The following MOB1B variants were observed in gnomAD, a reference collection of about 807,000 sequenced individuals.
MOB1B encodes the protein MOB kinase activator 1B.
Under a neutral mutation model 24.4 loss-of-function variants are expected in MOB1B, and 19 were observed. That is an observed-to-expected ratio of 0.78 (90% confidence interval 0.54 to 1.14). The LOEUF is 1.14. MOB1B is among the 50% of genes most tolerant of loss of function. The pLI is 0.00. For missense variants in MOB1B, 243 were observed against 259.6 expected (o/e 0.94, Z 0.44); for synonymous variants, 76 against 82.1 (o/e 0.93, Z 0.40).
At chr4:70,938,489 A>G (rs1019133235) in intron 1 of MOB1B, among the ~76,000 whole-genome samples, 6 of 152,020 alleles carry the variant, frequency 3.9e-5, no homozygotes, top group African/African-American at 1.2e-4. Context: ...GCCTGCAACT[A>G]TACCTGTGTC....
chr4:70,976,755 T>C (rs1211747654), intron 4 of MOB1B: 5 of 163,592 alleles, frequency 3.1e-5, no homozygotes, highest in Non-Finnish European at 5.5e-5. Flanking sequence ...CTGAATTACA[T>C]ATATATATAT....
chr4:70,925,717 G>A (rs542923834), intron 1 of MOB1B, among the ~76,000 whole-genome samples: 1 of 152,270 alleles, frequency 6.6e-6, no homozygotes, highest in East Asian at 1.9e-4. Context: ...CAAAGTGGAT[G>A]CCTGTATATT....
intron 1 of MOB1B, among the ~76,000 whole-genome samples, chr4:70,912,684 T>C (rs1736040075): frequency 6.6e-6 from 1 of 152,232 alleles, no homozygotes; most frequent in Non-Finnish European, 1.5e-5. Context: ...GTTTCATCTG[T>C]TGCTTTAACA....
chr4:70,947,774 A>G (rs1480742271), intron 1 of MOB1B, among the ~76,000 whole-genome samples: 4 of 151,998 alleles, frequency 2.6e-5, no homozygotes, highest in Non-Finnish European at 2.9e-5. Flanking sequence ...GTGCCACCAC[A>G]CCCAGATAAT....
intron 1 of MOB1B, among the ~76,000 whole-genome samples, chr4:70,936,103 G>A (rs867552956): frequency 6.6e-6 from 1 of 151,738 alleles, no homozygotes; most frequent in Non-Finnish European, 1.5e-5. Context: ...CGCCCGCCTC[G>A]GCCTCCCAAA....
intron 5 of MOB1B, among the ~76,000 whole-genome samples, chr4:70,980,796 C>T (rs943721372): frequency 1.3e-5 from 2 of 152,132 alleles, no homozygotes; most frequent in East Asian, 1.9e-4. Context: ...GGGCGGGTCC[C>T]GTCTCTGATA....
intron 4 of MOB1B, among the ~76,000 whole-genome samples, 171 bp from the exon 5 acceptor site, chr4:70,978,957 A>C (rs1301897578): frequency 6.6e-6 from 1 of 152,198 alleles, no homozygotes; most frequent in African/African-American, 2.4e-5. Flanking sequence ...GTTTATTTTC[A>C]TTCATGACAT....
At chr4:70,916,917 A>G (rs771902053) in intron 1 of MOB1B, among the ~76,000 whole-genome samples, 42 of 152,332 alleles carry the variant, frequency 2.8e-4, no homozygotes, top group Non-Finnish European at 4.4e-4. Context: ...TCTATAGGCC[A>G]CAAGTAGCAG....
intron 1 of MOB1B, among the ~76,000 whole-genome samples, chr4:70,922,950 A>G (rs990006277): frequency 2.0e-5 from 3 of 152,174 alleles, no homozygotes; most frequent in Non-Finnish European, 2.9e-5. Context: ...GCCCCAATAG[A>G]TAATCCAATG....
At chr4:70,906,979 A>G (rs1055350184) in intron 1 of MOB1B, among the ~76,000 whole-genome samples, 5 of 152,164 alleles carry the variant, frequency 3.3e-5, no homozygotes, top group Non-Finnish European at 5.9e-5. Flanking sequence ...GGCTTTAGGA[A>G]AGTTTCATGA....
intron 1 of MOB1B, among the ~76,000 whole-genome samples, chr4:70,934,240 T>A (rs530159791): frequency 6.7e-6 from 1 of 149,028 alleles, no homozygotes; most frequent in Non-Finnish European, 1.5e-5. Context: ...ATGTACCACA[T>A]GTGCCTGGCT....
At chr4:70,967,953 C>CT (rs1738603138) in intron 2 of MOB1B, among the ~76,000 whole-genome samples, 1 of 152,118 alleles carries the variant, frequency 6.6e-6, no homozygotes, top group African/African-American at 2.4e-5. Context: ...CCTCAGCCTC[C>CT]TAGAGTGTTC....
At chr4:70,974,754 G>A (rs761013902) in intron 3 of MOB1B, among the ~76,000 whole-genome samples, 4 of 152,134 alleles carry the variant, frequency 2.6e-5, no homozygotes, top group Non-Finnish European at 5.9e-5. Context: ...AAAGCCCCAA[G>A]TTAAAAAGAA....
rs1421870000 is a variant in MOB1B, at chr4:70,985,375, A to G, written c.*3318A>G. ...TTTGGGAGCACTGTTTATTCCAGCT[A>G]TACTGCAAAAGTATAATGTTTTTGG... On this transcript the variant is annotated 3_prime_UTR_variant, in exon 6 of 6. Coordinates refer to ENST00000309395, the MANE Select transcript of MOB1B (RefSeq NM_173468.4). The G allele has an allele frequency of 2.0e-5, 3 of 152,182 alleles. No homozygotes were observed. The highest frequency in any genetic ancestry group is 4.4e-5 in the Non-Finnish European group (3 of 68,034). The allele number at this position is 152,182 out of a possible 1,614,324, so 9.4% of individuals were successfully genotyped here.
intron 1 of MOB1B, among the ~76,000 whole-genome samples, chr4:70,913,581 G>A (rs1390973772): frequency 6.6e-6 from 1 of 152,028 alleles, no homozygotes; most frequent in African/African-American, 2.4e-5. Flanking sequence ...GTGCGCCACC[G>A]TGCCCAGGTG....
intron 1 of MOB1B, among the ~76,000 whole-genome samples, chr4:70,945,061 A>G (rs920424217): frequency 1.3e-5 from 2 of 152,184 alleles, no homozygotes; most frequent in Admixed American, 6.5e-5. Flanking sequence ...CTTAGTGTTA[A>G]TGATACCAGA....
chr4:70,948,429 C>T (rs1737673899), intron 1 of MOB1B, among the ~76,000 whole-genome samples: 1 of 152,166 alleles, frequency 6.6e-6, no homozygotes, highest in Admixed American at 6.5e-5. Context: ...TTTAATCTTA[C>T]CAGAATTCTT....
chr4:70,908,792 G>A (rs1365151551), intron 1 of MOB1B, among the ~76,000 whole-genome samples: 3 of 137,788 alleles, frequency 2.2e-5, no homozygotes, highest in East Asian at 4.4e-4. Context: ...AAAAAGATTA[G>A]CAATTTAGCA....
At chr4:70,942,504 A>C (rs1578373607) in intron 1 of MOB1B, among the ~76,000 whole-genome samples, 1 of 152,286 alleles carries the variant, frequency 6.6e-6, no homozygotes, top group East Asian at 1.9e-4. Flanking sequence ...GAACTTTAAC[A>C]TAAATTATTT....
Sources: gnomAD v4.1 joint callset for allele counts (sites outside exome capture counted in the v4.1 genomes callset) on GRCh38, gnomAD v4.1.1 for gene constraint, MANE v1.5 for transcripts, NCBI Gene and HGNC (gene_info 2026-07-23, HGNC 2026-07-21) for gene names.